The following TTLL4 variants were observed in gnomAD, a reference collection of about 807,000 sequenced individuals.
TTLL4 encodes the protein tubulin tyrosine ligase like 4, also known as tubulin monoglutamylase TTLL4.
TTLL4 carries 85 observed loss-of-function variants against 122.7 expected under a neutral mutation model. That is an observed-to-expected ratio of 0.69 (90% CI 0.58 to 0.83). TTLL4 has a LOEUF of 0.83. TTLL4 is among the 40% of genes least tolerant of loss of function. The pLI, the probability that TTLL4 is intolerant of heterozygous loss-of-function variation, is 0.00. For missense variants in TTLL4, 1,363 were observed against 1,488.6 expected, an observed-to-expected ratio of 0.92 and a Z score of 1.39; for synonymous variants, 553 against 563.0, an observed-to-expected ratio of 0.98 and a Z score of 0.25.
In TTLL4 at chr2:218,737,895, C is replaced by T. The variant is rs115468380; in HGVS notation, c.219C>T (p.Gly73=). The stretch of plus-strand genomic sequence containing the variant: ...CAGGGTTGGGCCCAGGCCTCTTGGG[C>T]GTCCCACCCCAGCCAGCATATTTCT... ...LSAGLGPGLL[G]VPPQPAYFFC... Residue 73 remains glycine (G), a synonymous_variant, in exon 3 of 20, where the codon GGC becomes GGT. Coordinates refer to ENST00000392102, the MANE Select transcript of TTLL4 (RefSeq NM_014640.5). 1.4e-5 allele frequency: 23 copies of T among 1,614,202 alleles called. No individual in the cohort carries two copies. Among genetic ancestry groups the T allele is most frequent in the East Asian group, 6.7e-5 (3 of 44,874 alleles).
chr2:218,712,531 C>T (rs1011311847), intron 1 of TTLL4, among the ~76,000 whole-genome samples: 21 of 151,998 alleles, frequency 1.4e-4, no homozygotes, highest in Non-Finnish European at 2.8e-4. Flanking sequence ...GGATTAGAGG[C>T]GCATGCTGCC....
chr2:218,753,773 CT>C (rs113724010), intron 19 of TTLL4, 104 bp downstream of exon 19: 4 of 1,304,176 alleles, frequency 3.1e-6, no homozygotes, highest in Admixed American at 1.7e-5. Context: ...CATTCTCCAG[CT>C]GGGGGTTGGT....
At chr2:218,751,522 A>G in intron 15 of TTLL4, 182 bp from the exon 16 acceptor site, 1 of 738,552 alleles carries the variant, frequency 1.4e-6, no homozygotes, top group Non-Finnish European at 1.7e-6. Context: ...TTAATATTTG[A>G]TGACTCTCAG....
In TTLL4 at chr2:218,746,160, G is replaced by A; in HGVS notation, c.1903G>A (p.Asp635Asn). 1.9e-6 allele frequency: 3 copies of A among 1,614,130 alleles called. No individual in the cohort carries two copies. The highest frequency in any genetic ancestry group is 2.5e-6 in the Non-Finnish European group (3 of 1,180,018). ...RSHFKISKRN[D>N]DWLGCWGHHM... is the part of the protein sequence containing the mutation. ...TCCTGATGTACCTCCCATAGGAAAC[G>A]ATGACTGGCTGGGCTGCTGGGGTCA... is the stretch of plus-strand genomic sequence containing the variant. The change falls in exon 8 of 20, where the codon GAT (aspartate) becomes AAT (asparagine). Residue 635 changes from aspartate (D) to asparagine (N), a missense_variant. By Grantham distance (23) the Asp-to-Asn change is conservative (BLOSUM62 1). Around this residue, in one of 3 missense-constraint regions of TTLL4, gnomAD observed 760 missense variants for 808.4 expected, o/e 0.94. Coordinates refer to ENST00000392102, the MANE Select transcript of TTLL4 (RefSeq NM_014640.5).
At chr2:218,752,020 G>T (rs1317434449) in intron 16 of TTLL4, among the ~76,000 whole-genome samples, 1 of 147,670 alleles carries the variant, frequency 6.8e-6, no homozygotes, top group Non-Finnish European at 1.5e-5. Flanking sequence ...TGATTCTCCT[G>T]CCTCAGCCTC....
intron 14 of TTLL4, 107 bp from the exon 15 acceptor site, chr2:218,749,902 A>G: frequency 6.9e-7 from 1 of 1,455,788 alleles, no homozygotes; most frequent in Non-Finnish European, 9.3e-7. Flanking sequence ...AGCAGCTTTC[A>G]TCTTAGGGAA....
At chr2:218,757,247 GAT>G (rs1943169636), downstream of TTLL4, among the ~76,000 whole-genome samples, 1 of 152,166 alleles carries the variant, frequency 6.6e-6, no homozygotes, top group African/African-American at 2.4e-5. Context: ...CTGCCATCGA[GAT>G]ATTTTAGAAG....
chr2:218,749,163 C>T (rs1942946143), intron 13 of TTLL4, 90 bp from the exon 14 acceptor site: 23 of 1,555,412 alleles, frequency 1.5e-5, no homozygotes, highest in East Asian at 2.3e-5. Flanking sequence ...TTCTGCCTGC[C>T]TATCTCTGGG....
chr2:218,719,104 C>G lies in TTLL4; in HGVS notation c.-178+8067C>G, dbSNP rs757966241. Among the ~76,000 whole-genome samples the G allele has an allele frequency of 6.1e-4, 92 of 152,002 alleles. 1 individual carries two copies. The highest frequency in any genetic ancestry group is 2.8e-4 in the Non-Finnish European group (19 of 67,998). On this transcript the variant is annotated intron_variant, in intron 1 of 19. Transcript: ENST00000392102. ...TTGAACATATCCATCGTTTCTAAGT[C>G]AATTTTTTAAAAACTTTTGTTCTAG... is the stretch of plus-strand genomic sequence containing the variant.
rs566789467 is a variant in TTLL4 at position 218,747,644 on chromosome 2, G to A, written c.2297G>A (p.Arg766Gln). ...ATCAGCGGCAGCAAGTTTGACCTGCGGATCTATGTTTATGTCACTTCCTAC... is the reference window on the plus strand; with the variant it reads ...ATCAGCGGCAGCAAGTTTGACCTGCAGATCTATGTTTATGTCACTTCCTAC... ...YLISGSKFDL[R>Q]IYVYVTSYDP... Residue 766 changes from arginine (R) to glutamine (Q), a missense_variant, in exon 11 of 20, where the codon CGG becomes CAG. Transcript: ENST00000392102. The surrounding 1 kb of genome is among the most constrained non-coding windows in gnomAD (Gnocchi z 4.7). The A allele has an allele frequency of 2.5e-6, 4 of 1,614,134 alleles. No individual in the cohort carries two copies. The Admixed American group carries it at 5.0e-5, about 20-fold the overall frequency.
At position 218,712,545 on chromosome 2, in the gene TTLL4, CT is replaced by C. The variant is rs1204551319; in HGVS notation, c.-178+1509del. ...GGGATTAGAGGCGCATGCTGCCACG[CT>C]CGGTTAATTTTTTGTATTTTTTAGT... On this transcript the variant is annotated intron_variant, in intron 1 of 19. Coordinates refer to ENST00000392102, the MANE Select transcript of TTLL4 (RefSeq NM_014640.5). Among the ~76,000 whole-genome samples, 5 of 152,200 alleles carry C rather than the reference CT, an allele frequency of 3.3e-5. No homozygotes were observed. In the East Asian group the frequency reaches 5.8e-4, roughly 18 times the overall value.
chr2:218,740,471 T>C (rs1195662468), intron 4 of TTLL4, 50 bp from the exon 5 acceptor site: 2 of 1,596,106 alleles, frequency 1.3e-6, no homozygotes, highest in Non-Finnish European at 1.7e-6. Flanking sequence ...TTGGTAAGTT[T>C]GTGCTGCAGC....
chr2:218,729,418 A>G (rs919153562), intron 2 of TTLL4, among the ~76,000 whole-genome samples: 10 of 151,804 alleles, frequency 6.6e-5, no homozygotes, highest in Non-Finnish European at 1.5e-4. Context: ...TCCTCTTCAT[A>G]CTTGAGTTCT....
At chr2:218,742,497 T>TA (rs774304594) in intron 5 of TTLL4, among the ~76,000 whole-genome samples, 1 of 152,164 alleles carries the variant, frequency 6.6e-6, no homozygotes, top group Non-Finnish European at 1.5e-5. Flanking sequence ...CATGTAATTT[T>TA]AGAGATGGAA....
At chr2:218,753,833 G>T (rs928077000) in intron 19 of TTLL4, among the ~76,000 whole-genome samples, 164 bp downstream of exon 19, 2 of 152,102 alleles carry the variant, frequency 1.3e-5, no homozygotes, top group Non-Finnish European at 2.9e-5. Flanking sequence ...GGTAGATCTT[G>T]GTATGCCCAG....
At chr2:218,712,968 G>A (rs1941756488) in intron 1 of TTLL4, among the ~76,000 whole-genome samples, 2 of 152,194 alleles carry the variant, frequency 1.3e-5, no homozygotes, top group East Asian at 3.9e-4. Context: ...ACAGTTAAAT[G>A]TAACGGGAAT....
Position 218,738,808 on chromosome 2 carries a change from C to T in TTLL4, c.1132C>T (p.Arg378Trp), listed in dbSNP as rs114126511. 2.8e-4 allele frequency: 459 copies of T among 1,614,180 alleles called. 2 individuals carry two copies. In the African/African-American group the frequency reaches 3.7e-3, roughly 13 times the overall value. ...FQWNVLNRSRRWKPPAVNQQF... is the reference protein window; with the variant it reads ...FQWNVLNRSRWWKPPAVNQQF... ...GTGGAATGTCCTCAACAGGAGCAGG[C>T]GGTGGAAACCTCCTGCGGTAAATCA... Residue 378 changes from arginine to tryptophan, a missense_variant, in exon 3 of 20, where the codon CGG becomes TGG. Coordinates refer to ENST00000392102, the MANE Select transcript of TTLL4 (RefSeq NM_014640.5).
chr2:218,749,187 A>G, intron 13 of TTLL4, 66 bp from the exon 14 acceptor site: 2 of 1,580,698 alleles, frequency 1.3e-6, no homozygotes, highest in Non-Finnish European at 1.7e-6. Context: ...CTCTTTTGGC[A>G]GGATAGCTCT....
At position 218,729,044 on chromosome 2, in the gene TTLL4, T is replaced by A. The variant is rs181730691; in HGVS notation, c.-99+1697T>A. On this transcript the variant is annotated intron_variant, in intron 2 of 19. Transcript: ENST00000392102. ...ACCTCCCAGGTTCAAGAGATGCTCCTGCCTCAGCCTCCCAAGTAGCTGGGA... is the reference window on the plus strand; with the variant it reads ...ACCTCCCAGGTTCAAGAGATGCTCCAGCCTCAGCCTCCCAAGTAGCTGGGA... Among the ~76,000 whole-genome samples the A allele has an allele frequency of 5.3e-5, 8 of 151,106 alleles. No individual in the cohort carries two copies. The East Asian group carries it at 1.4e-3, about 26-fold the overall frequency.
Sources: gnomAD v4.1 joint callset for allele counts (sites outside exome capture counted in the v4.1 genomes callset) on GRCh38, gnomAD v4.1.1 for gene constraint, gnomAD v4.1.1 regional missense constraint, Gnocchi (gnomAD v3.1) non-coding constraint, MANE v1.5 for transcripts, NCBI Gene and HGNC (gene_info 2026-07-23, HGNC 2026-07-21) for gene names.